PRKCE: variants seen among roughly 807,000 people sequenced by gnomAD.
PRKCE encodes protein kinase C epsilon.
In PRKCE, 16 loss-of-function variants were observed where a neutral mutation model predicts 85.4. That is an observed-to-expected ratio of 0.19 (90% confidence interval 0.13 to 0.28). The LOEUF is 0.28. PRKCE is among the 10% of genes least tolerant of loss of function. The pLI is 1.00. For missense variants in PRKCE, 573 were observed against 975.2 expected (o/e 0.59, Z 5.49); for synonymous variants, 388 against 371.5 (o/e 1.04, Z -0.51).
intron 11 of PRKCE, among the ~76,000 whole-genome samples, chr2:46,109,937 A>G (rs1171861034): frequency 6.6e-6 from 1 of 152,130 alleles, no homozygotes; most frequent in Non-Finnish European, 1.5e-5. Flanking sequence ...AAGATGCTTC[A>G]TCTGCATTAA....
At chr2:45,696,889 G>A (rs576059634) in intron 1 of PRKCE, among the ~76,000 whole-genome samples, 28 of 152,216 alleles carry the variant, frequency 1.8e-4, no homozygotes, top group Admixed American at 1.8e-3. Context: ...TGGGGACTGT[G>A]TTGATCATGT....
intron 10 of PRKCE, among the ~76,000 whole-genome samples, chr2:46,017,484 C>G (rs1050371203): frequency 2.6e-5 from 4 of 152,162 alleles, no homozygotes; most frequent in African/African-American, 9.7e-5. Flanking sequence ...CACGTTTTGG[C>G]TACTATGAAT....
At chr2:45,840,137 A>T (rs951913303) in intron 1 of PRKCE, among the ~76,000 whole-genome samples, 2 of 152,156 alleles carry the variant, frequency 1.3e-5, no homozygotes, top group African/African-American at 4.8e-5. Flanking sequence ...ATAGCATTGT[A>T]CTTTGCCAAT....
At chr2:45,809,686 C>T (rs1688511874) in intron 1 of PRKCE, among the ~76,000 whole-genome samples, 1 of 151,208 alleles carries the variant, frequency 6.6e-6, no homozygotes, top group South Asian at 2.1e-4. Context: ...GAGTTTGAGA[C>T]CAGCCTGGCC....
chr2:45,688,504 A>G (rs1400290798), intron 1 of PRKCE, among the ~76,000 whole-genome samples: 1 of 152,236 alleles, frequency 6.6e-6, no homozygotes, highest in African/African-American at 2.4e-5. Flanking sequence ...GTGAGTTTAT[A>G]AGTTGCACTG....
chr2:45,678,722 C>G (rs1676662685), intron 1 of PRKCE, among the ~76,000 whole-genome samples: 3 of 151,966 alleles, frequency 2.0e-5, no homozygotes, highest in East Asian at 1.9e-4. Context: ...TGAGCTTTAG[C>G]TCAGCCTCGA....
At chr2:45,935,067 T>TCTCTCTCTCACACA (rs34264556) in intron 2 of PRKCE, among the ~76,000 whole-genome samples, 2 of 146,248 alleles carry the variant, frequency 1.4e-5, no homozygotes, top group African/African-American at 5.1e-5. Context: ...ACTCTCTCTC[T>TCTCTCTCTCACACA]CACACACACA....
Position 46,002,067 on chromosome 2 carries a change from G to A in PRKCE, c.966+521G>A, listed in dbSNP as rs545212750. ...ACATGAAACATCTGGGCCATTCTTT[G>A]GAGACCAAAACTGTCTCTATCTCTG... On this transcript the variant is annotated intron_variant, in intron 7 of 14. Transcript: ENST00000306156. Among the ~76,000 whole-genome samples the A allele has an allele frequency of 5.3e-5, 8 of 152,262 alleles. 1 individual carries two copies. In the South Asian group the frequency reaches 1.7e-3, roughly 32 times the overall value.
At chr2:45,976,322 A>T in intron 2 of PRKCE, 107 bp from the exon 3 acceptor site, 1 of 1,339,332 alleles carries the variant, frequency 7.5e-7, no homozygotes, top group Non-Finnish European at 1.0e-6. Flanking sequence ...CCTCTCACCC[A>T]CCCCAGCTCC....
intron 2 of PRKCE, among the ~76,000 whole-genome samples, chr2:45,938,259 G>GGT (rs1052609033): frequency 3.9e-5 from 6 of 152,114 alleles, no homozygotes; most frequent in African/African-American, 1.4e-4. Flanking sequence ...TATAGAAGCT[G>GGT]GTGTAGATGG....
chr2:45,754,421 C>T (rs1683835818), intron 1 of PRKCE, among the ~76,000 whole-genome samples: 1 of 152,162 alleles, frequency 6.6e-6, no homozygotes, highest in Non-Finnish European at 1.5e-5. Context: ...TTGGCTGTGG[C>T]TGTTCTAAAG....
Position 46,159,751 on chromosome 2 carries a change from T to C in PRKCE, c.2066T>C (p.Ile689Thr), listed in dbSNP as rs1677570621. ...ATCAAGCCACCCTTCAAACCACGCA[T>C]TGTAAGTTGGTCCCCGTGCACGTTC... ...KKIKPPFKPR[I>T]KTKRDVNNFD... The change falls in exon 14 of 15, where the codon ATT becomes ACT. Residue 689 changes from isoleucine (I) to threonine (T), a missense_variant and splice_region_variant. Physicochemically the swap from Ile to Thr is moderately conservative, Grantham distance 89. Coordinates refer to ENST00000306156, the MANE Select transcript of PRKCE (RefSeq NM_005400.3). The surrounding 1 kb of genome is among the most constrained non-coding windows in gnomAD (Gnocchi z 4.1). The C allele has an allele frequency of 6.3e-7, 1 of 1,599,264 alleles. No homozygotes were observed. Among genetic ancestry groups the C allele is most frequent in the Non-Finnish European group, 8.5e-7 (1 of 1,179,782 alleles).
intron 1 of PRKCE, among the ~76,000 whole-genome samples, chr2:45,826,133 C>G (rs1689923989): frequency 6.6e-6 from 1 of 152,166 alleles, no homozygotes; most frequent in African/African-American, 2.4e-5. Context: ...GACACCGGAG[C>G]AGATCCTCCT....
chr2:46,041,242 A>G lies in PRKCE; in HGVS notation c.1437+30725A>G, dbSNP rs920201937. On this transcript the variant is annotated intron_variant, in intron 10 of 14. Coordinates refer to ENST00000306156, the MANE Select transcript of PRKCE (RefSeq NM_005400.3). This position sits in a 1 kb window ranked among gnomAD's most constrained non-coding sequence, Gnocchi z 5.5. ...CCTTGATCTTAAGAGTACTGGGTATACCCAAGTCCAAAATCAGAATTTTAA... is the reference window on the plus strand; with the variant it reads ...CCTTGATCTTAAGAGTACTGGGTATGCCCAAGTCCAAAATCAGAATTTTAA... 1.3e-5 allele frequency among the ~76,000 whole-genome samples: 2 copies of G among 152,246 alleles called. No homozygotes were observed. The highest frequency in any genetic ancestry group is 4.8e-5 in the African/African-American group (2 of 41,464).
intron 1 of PRKCE, among the ~76,000 whole-genome samples, chr2:45,796,508 A>G (rs901366850): frequency 1.3e-5 from 2 of 152,196 alleles, no homozygotes; most frequent in Non-Finnish European, 2.9e-5. Flanking sequence ...TGAAATTATC[A>G]CTAAAATTGA....
intron 2 of PRKCE, among the ~76,000 whole-genome samples, chr2:45,922,260 A>T (rs1698302532): frequency 6.6e-6 from 1 of 152,168 alleles, no homozygotes; most frequent in Non-Finnish European, 1.5e-5. Context: ...ATTAAATGGT[A>T]GTTTTACAAA....
chr2:45,757,952 T>G (rs938027207), intron 1 of PRKCE, among the ~76,000 whole-genome samples: 1 of 152,160 alleles, frequency 6.6e-6, no homozygotes, highest in Non-Finnish European at 1.5e-5. Flanking sequence ...CTGGGGCAGA[T>G]GTAGGATCCA....
At position 46,184,654 on chromosome 2, in the gene PRKCE, C is replaced by G. The variant is rs1680322016; in HGVS notation, c.2068-81C>G. ...AGGCCTGCTTTGGTGACAGGCTGGT[C>G]AGTGCGGTGCCCACTCCCCATGGGG... is the stretch of plus-strand genomic sequence containing the variant. On this transcript the variant is annotated intron_variant, in intron 14 of 14. Transcript: ENST00000306156. This position sits in a 1 kb window ranked among gnomAD's most constrained non-coding sequence, Gnocchi z 5.0. 2.0e-6 allele frequency: 3 copies of G among 1,526,454 alleles called. No individual in the cohort carries two copies. The Admixed American group carries it at 5.6e-5, about 29-fold the overall frequency. 94.6% of individuals were successfully genotyped at this position (1,526,454 alleles called of 1,614,324 possible).
At chr2:45,722,794 A>G (rs755731573) in intron 1 of PRKCE, among the ~76,000 whole-genome samples, 41 of 152,210 alleles carry the variant, frequency 2.7e-4, no homozygotes, top group Non-Finnish European at 4.8e-4. Context: ...AATGCATTGT[A>G]GTCAGTTAAA....
Sources: allele counts gnomAD v4.1 joint callset (sites outside exome capture counted in the v4.1 genomes callset), GRCh38; gene constraint gnomAD v4.1.1; non-coding constraint Gnocchi (gnomAD v3.1); transcripts MANE v1.5; gene names NCBI Gene and HGNC (gene_info 2026-07-23, HGNC 2026-07-21).